NLRP12: variants seen among roughly 807,000 people sequenced by gnomAD.
NLRP12 encodes the protein NLR family pyrin domain containing 12.
A neutral mutation model predicts 91.2 loss-of-function variants in NLRP12; 108 were observed. The observed-to-expected ratio is 1.18, with a 90% CI of 1.01 to 1.39. The LOEUF (loss-of-function observed/expected upper bound fraction) is 1.39. NLRP12 is among the 40% of genes most tolerant of loss of function. The probability of loss-of-function intolerance (pLI) is 0.00; values close to 1 mark genes in which losing one functional copy is unlikely to be tolerated. For synonymous variants in NLRP12, 613 were observed against 566.7 expected (o/e 1.08, Z -1.16); for missense variants, 1,530 against 1,352.7 (o/e 1.13, Z -2.06).
Position 53,824,285 on chromosome 19 carries a change from C to T in NLRP12, c.-111G>A, listed in dbSNP as rs1417827737. On this transcript the variant is annotated 5_prime_UTR_variant, in exon 1 of 10. Coordinates refer to ENST00000324134, the MANE Select transcript of NLRP12 (RefSeq NM_144687.4). ...CATTGCATCATTCACAGGCAGCGGG[C>T]GGAGAGGCTGAGCCAGTGGTTGGAG... 4.3e-6 allele frequency: 5 copies of T among 1,154,714 alleles called. No individual in the cohort carries two copies. The highest frequency in any genetic ancestry group is 2.5e-5 in the East Asian group (1 of 40,196). The allele number at this position is 1,154,714 out of a possible 1,614,324, so 71.5% of individuals were successfully genotyped here. A position where few individuals can be genotyped will look rare whatever the true frequency, so the allele number is the denominator to read the frequency against.
At chr19:53,805,710 G>GT (rs1568669087) in intron 4 of NLRP12, 1 of 467,226 alleles carries the variant, frequency 2.1e-6, no homozygotes, top group Admixed American at 2.8e-5. Context: ...TAGAGATGGG[G>GT]TTTCACCATG....
At chr19:53,801,444 TTTTC>T (rs762030074) in intron 6 of NLRP12, 47 bp from the exon 7 acceptor site, 146 of 1,423,836 alleles carry the variant, frequency 1.0e-4, no homozygotes, top group African/African-American at 6.1e-4. Context: ...TTTCCTTTCT[TTTTC>T]TTTTTTTTTT....
intron 4 of NLRP12, among the ~76,000 whole-genome samples, chr19:53,807,072 C>CT (rs377101753): frequency 3.4e-4 from 51 of 151,128 alleles, no homozygotes; most frequent in African/African-American, 1.2e-3. Flanking sequence ...GTCTTTGGCA[C>CT]TTTTTTCCCC....
intron 1 of NLRP12, among the ~76,000 whole-genome samples, chr19:53,819,901 A>AGAAG (rs1289342381): frequency 2.7e-4 from 41 of 151,106 alleles, no homozygotes; most frequent in African/African-American, 1.0e-3. Flanking sequence ...AGAAGGGAAA[A>AGAAG]GAAGGAAGGA....
At chr19:53,800,575 GA>G (rs1457029873) in intron 7 of NLRP12, among the ~76,000 whole-genome samples, 4 of 127,108 alleles carry the variant, frequency 3.1e-5, no homozygotes, top group Non-Finnish European at 5.0e-5. Flanking sequence ...CCGTGCGTCA[GA>G]AAACCCCCCC....
At chr19:53,820,428 G>A (rs955649689) in intron 1 of NLRP12, among the ~76,000 whole-genome samples, 1 of 151,602 alleles carries the variant, frequency 6.6e-6, no homozygotes, top group African/African-American at 2.4e-5. Context: ...TACTCAGGAG[G>A]CTGAGGCAGG....
At chr19:53,814,800 A>G in intron 2 of NLRP12, 108 bp downstream of exon 2, 1 of 873,698 alleles carries the variant, frequency 1.1e-6, no homozygotes, top group Admixed American at 1.7e-5. Context: ...TGGTGTCATT[A>G]ATCCACCCCA....
At chr19:53,812,462 T>C (rs1484679869) in intron 2 of NLRP12, among the ~76,000 whole-genome samples, 2 of 151,368 alleles carry the variant, frequency 1.3e-5, no homozygotes, top group Non-Finnish European at 2.9e-5. Context: ...GGGGTGACTG[T>C]GTCCCCTAGT....
At chr19:53,796,403 C>T (rs935026294) in intron 8 of NLRP12, among the ~76,000 whole-genome samples, 8 of 127,930 alleles carry the variant, frequency 6.3e-5, no homozygotes, top group Admixed American at 6.2e-4. Flanking sequence ...AGGCGAGAGC[C>T]ACCACACCCA....
intron 1 of NLRP12, among the ~76,000 whole-genome samples, chr19:53,818,535 G>T (rs952762498): frequency 1.1e-4 from 17 of 151,668 alleles, no homozygotes; most frequent in Non-Finnish European, 2.2e-4. Flanking sequence ...CGTGGTGGCG[G>T]GTGCCTGTAG....
rs146866695 is a variant in NLRP12 at position 53,796,221 on chromosome 19, C to A, written c.2928-192G>T. 4.3e-4 allele frequency: 274 copies of A among 633,002 alleles called. 3 individuals are homozygous for A. In the African/African-American group the frequency reaches 4.5e-3, roughly 10 times the overall value. 39.2% of individuals were successfully genotyped at this position (633,002 alleles called of 1,614,324 possible). On this transcript the variant is annotated intron_variant, in intron 8 of 9. Coordinates refer to ENST00000324134, the MANE Select transcript of NLRP12 (RefSeq NM_144687.4). The stretch of plus-strand genomic sequence containing the variant: ...AGCTGGGATTACAGGTGTGCACCAC[C>A]ACCAATTAGCATGGCTAATTTTTGT...
intron 8 of NLRP12, among the ~76,000 whole-genome samples, chr19:53,797,567 C>T (rs758599786): frequency 6.6e-6 from 1 of 151,510 alleles, no homozygotes; most frequent in South Asian, 2.1e-4. Context: ...TACAGGCATG[C>T]GCCACCACAC....
intron 1 of NLRP12, among the ~76,000 whole-genome samples, chr19:53,816,516 T>A (rs1176366896): frequency 2.6e-5 from 4 of 151,866 alleles, no homozygotes; most frequent in Non-Finnish European, 5.9e-5. Flanking sequence ...TCTGGCACCA[T>A]TTTATTTATT....
In NLRP12 at chr19:53,798,363, A is replaced by C. The variant is rs2091808114; in HGVS notation, c.2807T>G (p.Val936Gly). 6.2e-7 allele frequency: 1 copy of C among 1,614,026 alleles called. No homozygotes were observed. Among genetic ancestry groups the C allele is most frequent in the Admixed American group, 1.7e-5 (1 of 59,966 alleles). Residue 936 changes from valine (V) to glycine (G), a missense_variant, in exon 8 of 10, where the codon GTG (valine) becomes GGG (glycine). Transcript: ENST00000324134. ...CCGGAGGTTGTGGTTGGCCTGGAGC[A>C]CCACAGAAAGACCCTCACAGGCGGC... ...GSAACEGLSVVLQANHNLREL... is the reference protein window; with the variant it reads ...GSAACEGLSVGLQANHNLREL...
intron 7 of NLRP12, among the ~76,000 whole-genome samples, chr19:53,799,301 C>G (rs977513213): frequency 2.0e-5 from 3 of 151,978 alleles, no homozygotes; most frequent in African/African-American, 7.3e-5. Context: ...TGAGCCACCG[C>G]GCCCAGCCGC....
intron 6 of NLRP12, 50 bp from the exon 7 acceptor site, chr19:53,801,447 T>TC: frequency 1.4e-6 from 2 of 1,455,812 alleles, no homozygotes; most frequent in Non-Finnish European, 1.8e-6. Context: ...CCTTTCTTTT[T>TC]CTTTTTTTTT....
At chr19:53,823,806 T>C (rs2092304387) in intron 1 of NLRP12, 80 bp downstream of exon 1, 1 of 1,526,666 alleles carries the variant, frequency 6.6e-7, no homozygotes, top group Non-Finnish European at 9.1e-7. Flanking sequence ...CTCTTCAGCC[T>C]CCCAAAGTGC....
intron 2 of NLRP12, among the ~76,000 whole-genome samples, chr19:53,812,712 C>T (rs1456242340): frequency 6.6e-6 from 1 of 151,664 alleles, no homozygotes. Flanking sequence ...ATGATAGCTG[C>T]CTGAGAGAAG....
At chr19:53,796,060 C>T (rs2122507049) in intron 8 of NLRP12, 31 bp from the exon 9 acceptor site, 1 of 1,604,866 alleles carries the variant, frequency 6.2e-7, no homozygotes, top group Non-Finnish European at 8.5e-7. Context: ...GTTAAGGTAA[C>T]ACCAGGGGCT....
Sources: allele counts gnomAD v4.1 joint callset (sites outside exome capture counted in the v4.1 genomes callset), GRCh38; gene constraint gnomAD v4.1.1; transcripts MANE v1.5; gene names NCBI Gene and HGNC (gene_info 2026-07-23, HGNC 2026-07-21).